The following TTLL7 variants were observed in gnomAD, a reference collection of about 807,000 sequenced individuals.
TTLL7 encodes tubulin polyglutamylase TTLL7.
A neutral mutation model predicts 120.2 loss-of-function variants in TTLL7; 53 were observed. That is an observed-to-expected ratio of 0.44 (90% CI 0.35 to 0.55). The LOEUF (loss-of-function observed/expected upper bound fraction) is 0.55. Among genes scored for constraint, TTLL7 ranks in the 20% least tolerant of loss-of-function variants. The pLI is 0.00. For missense variants in TTLL7, 803 were observed against 1,054.7 expected (o/e 0.76, Z 3.31); for synonymous variants, 353 against 351.7 (o/e 1.00, Z -0.04).
chr1:83,896,474 T>C (rs928018534), intron 18 of TTLL7, among the ~76,000 whole-genome samples: 4 of 152,048 alleles, frequency 2.6e-5, no homozygotes, highest in Admixed American at 1.3e-4. Flanking sequence ...ATTAAAATAA[T>C]GGCACGAGGT....
chr1:83,890,382 C>T lies in TTLL7; in HGVS notation c.2308G>A (p.Val770Ile), dbSNP rs140612684. The T allele has an allele frequency of 5.5e-4, 895 of 1,613,388 alleles. 3 individuals carry two copies. Among genetic ancestry groups the T allele is most frequent in the Middle Eastern group, 4.3e-3 (26 of 6,054 alleles). ...EVNLYRIFNRVFNRLLWSRGQ... is the reference protein window; with the variant it reads ...EVNLYRIFNRIFNRLLWSRGQ... ...CGACTCCAGAGTAAGCGATTAAAAA[C>T]CCGGTTGAAAATCCGATATAAATTT... Residue 770 changes from valine (V) to isoleucine (I), a missense_variant, in exon 19 of 21, where the codon GTT (valine) becomes ATT (isoleucine). This residue lies in a region of TTLL7 where 388 missense variants were observed against 450.4 expected (regional missense o/e 0.86). Transcript: ENST00000260505.
intron 17 of TTLL7, among the ~76,000 whole-genome samples, chr1:83,905,308 C>T (rs1279530613): frequency 1.3e-5 from 2 of 151,464 alleles, no homozygotes; most frequent in African/African-American, 4.8e-5. Flanking sequence ...TAATTGGGGG[C>T]TTTGCTTATG....
At chr1:83,940,377 T>C (rs1038611090) in intron 7 of TTLL7, among the ~76,000 whole-genome samples, 3 of 152,176 alleles carry the variant, frequency 2.0e-5, no homozygotes, top group Admixed American at 2.0e-4. Flanking sequence ...CAAATTATGT[T>C]TGTAGCTCAG....
chr1:83,910,954 C>T (rs989006954), intron 15 of TTLL7, among the ~76,000 whole-genome samples: 8 of 152,058 alleles, frequency 5.3e-5, no homozygotes, highest in Non-Finnish European at 7.4e-5. Context: ...AGAATAGATC[C>T]TTAATCCAGC....
chr1:83,914,091 T>G (rs906579188), intron 14 of TTLL7, among the ~76,000 whole-genome samples: 1 of 152,164 alleles, frequency 6.6e-6, no homozygotes, highest in African/African-American at 2.4e-5. Flanking sequence ...TATTCTACAA[T>G]GCCTCAATAT....
intron 6 of TTLL7, among the ~76,000 whole-genome samples, chr1:83,944,711 G>A (rs11163870): frequency 0.088 from 13,445 of 152,110 alleles, 696 homozygotes; most frequent in Middle Eastern, 0.15. Context: ...GCGAGACTCC[G>A]TCTTAAAAAA....
chr1:83,881,420 G>A (rs1176866196), intron 20 of TTLL7, among the ~76,000 whole-genome samples: 2 of 150,730 alleles, frequency 1.3e-5, no homozygotes, highest in Non-Finnish European at 3.0e-5. Context: ...ATCAAAAAGT[G>A]GGCAAAGGAC....
At chr1:83,955,019 G>A (rs746208166) in intron 1 of TTLL7, among the ~76,000 whole-genome samples, 5 of 152,182 alleles carry the variant, frequency 3.3e-5, no homozygotes, top group South Asian at 4.2e-4. Flanking sequence ...ATAGATACAC[G>A]AAATTGAAAC....
intron 20 of TTLL7, among the ~76,000 whole-genome samples, chr1:83,877,445 T>C (rs965403542): frequency 3.3e-5 from 5 of 152,040 alleles, no homozygotes; most frequent in African/African-American, 1.2e-4. Flanking sequence ...TCTGATAGAA[T>C]TGGCCAGTGA....
Position 83,921,084 on chromosome 1 carries a change from T to TA in TTLL7, c.1364+2dup, listed in dbSNP as rs765773568. ...ATCTATACAAAAATAGCAGCACAGT[T>TA]ACCTATAATTCCCCATATGTCGATT... On this transcript the variant is annotated splice_region_variant and intron_variant, in intron 12 of 20. Transcript: ENST00000260505. 6.2e-7 allele frequency: 1 copy of TA among 1,610,844 alleles called. No individual in the cohort carries two copies. The highest frequency in any genetic ancestry group is 8.5e-7 in the Non-Finnish European group (1 of 1,178,814).
chr1:83,910,610 T>C lies in TTLL7; in HGVS notation c.1786+555A>G, dbSNP rs1657595467. 2.0e-5 allele frequency among the ~76,000 whole-genome samples: 3 copies of C among 152,068 alleles called. No individual in the cohort carries two copies. The South Asian group carries it at 6.2e-4, about 32-fold the overall frequency. Reference sequence around the variant, plus strand: ...CAGAAACGGAAGGAGATGGAACAGCTGGTTGGCTGCTCTCCTAAGTAGTTC... The same window carrying C: ...CAGAAACGGAAGGAGATGGAACAGCCGGTTGGCTGCTCTCCTAAGTAGTTC... On this transcript the variant is annotated intron_variant, in intron 15 of 20. Transcript: ENST00000260505.
intron 1 of TTLL7, among the ~76,000 whole-genome samples, chr1:83,962,924 C>T (rs79738356): frequency 0.14 from 21,146 of 152,156 alleles, 1,974 homozygotes; most frequent in Non-Finnish European, 0.21. Context: ...CTGTCACCAA[C>T]AGCTAAATGC....
At position 83,868,396 on chromosome 1, in the gene TTLL7, T is replaced by G. The variant is rs923975357; in HGVS notation, c.*1566A>C. ...TACGGCTTATATTTTTATGGAAAAC[T>G]GAAAGCTCACTCTTGGTTTTAAAAA... On this transcript the variant is annotated 3_prime_UTR_variant, in exon 21 of 21. Coordinates refer to ENST00000260505, the MANE Select transcript of TTLL7 (RefSeq NM_024686.6). 6.6e-6 allele frequency: 1 copy of G among 152,190 alleles called. No individual in the cohort carries two copies. Among genetic ancestry groups the G allele is most frequent in the African/African-American group, 2.4e-5 (1 of 41,448 alleles). The allele number at this position is 152,190 out of a possible 1,614,324, so 9.4% of individuals were successfully genotyped here. A position where few individuals can be genotyped will look rare whatever the true frequency, so the allele number is the denominator to read the frequency against.
At chr1:83,969,451 G>C (rs1468798116) in intron 1 of TTLL7, among the ~76,000 whole-genome samples, 8 of 151,866 alleles carry the variant, frequency 5.3e-5, no homozygotes, top group Non-Finnish European at 7.4e-5. Flanking sequence ...TTACAAAACT[G>C]AGTAGAATAA....
intron 9 of TTLL7, among the ~76,000 whole-genome samples, chr1:83,930,446 G>C (rs551054801): frequency 1.3e-5 from 2 of 152,192 alleles, no homozygotes; most frequent in East Asian, 3.9e-4. Flanking sequence ...ATAGTCTCAA[G>C]GAGAAGGAAA....
chr1:83,959,446 G>A (rs1024660893), intron 1 of TTLL7, among the ~76,000 whole-genome samples: 8 of 152,280 alleles, frequency 5.3e-5, no homozygotes, highest in African/African-American at 1.4e-4. Flanking sequence ...TTGCCCAGCA[G>A]GACTCTCACT....
At chr1:83,889,639 C>T (rs1361519680) in intron 19 of TTLL7, among the ~76,000 whole-genome samples, 8 of 152,034 alleles carry the variant, frequency 5.3e-5, no homozygotes, top group African/African-American at 1.9e-4. Flanking sequence ...GCATCTCACA[C>T]AATAAGTAAT....
intron 6 of TTLL7, among the ~76,000 whole-genome samples, chr1:83,943,941 G>A (rs949883844): frequency 6.6e-6 from 1 of 152,064 alleles, no homozygotes; most frequent in African/African-American, 2.4e-5. Context: ...AATATGAATA[G>A]TGATAGAAAA....
intron 1 of TTLL7, among the ~76,000 whole-genome samples, chr1:83,986,456 G>C (rs1023017161): frequency 6.6e-6 from 1 of 152,184 alleles, no homozygotes; most frequent in East Asian, 1.9e-4. Flanking sequence ...ACTAAGGACA[G>C]AGAGAAACTT....
Sources: allele counts gnomAD v4.1 joint callset (sites outside exome capture counted in the v4.1 genomes callset), GRCh38; gene constraint gnomAD v4.1.1; regional missense constraint gnomAD v4.1.1; transcripts MANE v1.5; gene names NCBI Gene and HGNC (gene_info 2026-07-23, HGNC 2026-07-21).